Variants in GATA5 observed in about 807,000 individuals in gnomAD.
The protein encoded by GATA5 is transcription factor GATA-5.
GATA5 carries 27 observed loss-of-function variants against 35.0 expected under a neutral mutation model. That is an observed-to-expected ratio of 0.77 (90% CI 0.57 to 1.06). The LOEUF (loss-of-function observed/expected upper bound fraction) is 1.06. GATA5 is among the 50% of genes least tolerant of loss of function. GATA5 has a pLI of 0.00. For synonymous variants in GATA5, 306 were observed against 267.8 expected (o/e 1.14, Z -1.39); for missense variants, 612 against 580.0 (o/e 1.06, Z -0.57).
At position 62,466,496 on chromosome 20, in the gene GATA5, G is replaced by A. The variant is rs143901995; in HGVS notation, c.755C>T (p.Thr252Met). Residue 252 changes from threonine (T) to methionine (M), a missense_variant, in exon 4 of 7, where the codon ACG becomes ATG. Transcript: ENST00000252997. ...CCCCTCCGAGTTCCGCCGCCACAGC[G>A]TGGTGTTGGTCGTGTGGCAGTTGGT... ...CCTNCHTTNTTLWRRNSEGEP... is the reference protein window; with the variant it reads ...CCTNCHTTNTMLWRRNSEGEP... The A allele has an allele frequency of 1.1e-5, 18 of 1,570,246 alleles. No homozygotes were observed. The highest frequency in any genetic ancestry group is 4.1e-5 in the African/African-American group (3 of 73,946).
chr20:62,474,931 C>T, intron 2 of GATA5, 68 bp downstream of exon 2: 3 of 1,221,452 alleles, frequency 2.5e-6, no homozygotes, highest in Non-Finnish European at 3.1e-6. Flanking sequence ...GAGCGTTTCG[C>T]AGGGTGCGGG....
intron 3 of GATA5, among the ~76,000 whole-genome samples, chr20:62,468,094 G>C (rs1210916655): frequency 7.1e-6 from 1 of 141,372 alleles, no homozygotes; most frequent in African/African-American, 2.8e-5. Flanking sequence ...AGCCCGCCTC[G>C]GTTTCCCCAT....
intron 3 of GATA5, 69 bp from the exon 4 acceptor site, chr20:62,466,620 G>C: frequency 1.3e-6 from 2 of 1,509,428 alleles, no homozygotes; most frequent in Non-Finnish European, 1.8e-6. Context: ...GGACGGAAGC[G>C]AGACTCAGGT....
In GATA5 at chr20:62,466,430, T is replaced by A. The variant is rs1989590098; in HGVS notation, c.821A>T (p.His274Leu). The A allele has an allele frequency of 2.5e-6, 4 of 1,585,096 alleles. No homozygotes were observed. The highest frequency in any genetic ancestry group is 3.4e-6 in the Non-Finnish European group (4 of 1,166,264). ...CNACGLYMKLHGVPRPLAMKK... is the reference protein window; with the variant it reads ...CNACGLYMKLLGVPRPLAMKK... ...TGCCCCGGGGACCACACTCACCCCGTGCAGCTTCATGTAGAGGCCGCAGGC... is the reference window on the plus strand; with the variant it reads ...TGCCCCGGGGACCACACTCACCCCGAGCAGCTTCATGTAGAGGCCGCAGGC... Residue 274 changes from histidine (H) to leucine (L), a missense_variant, in exon 4 of 7, where the codon CAC (histidine) becomes CTC (leucine). His to Leu is a moderately conservative substitution (Grantham distance 99). Transcript: ENST00000252997.
rs1398410086 is a variant in GATA5, at chr20:62,473,555, G to A, written c.547C>T (p.Pro183Ser). Residue 183 changes from proline to serine, a missense_variant, in exon 3 of 7, where the codon CCG becomes TCG. Transcript: ENST00000252997. The part of the protein sequence containing the change: ...TFVSDFLEEF[P>S]GEGRECVNCG... ...TTGACACACTCACGACCCTCACCCG[G>A]GAACTCCTCCAAGAAGTCGGACACT... 1.9e-6 allele frequency: 3 copies of A among 1,601,070 alleles called. No homozygotes were observed. The highest frequency in any genetic ancestry group is 2.6e-6 in the Non-Finnish European group (3 of 1,174,524).
chr20:62,465,028 GCGT>G, intron 6 of GATA5, 37 bp from the exon 7 acceptor site: 1 of 1,204,276 alleles, frequency 8.3e-7, no homozygotes, highest in South Asian at 1.4e-5. Context: ...GTGGGGTGGG[GCGT>G]GGGGCGTGGG....
At position 62,466,428 on chromosome 20, in the gene GATA5, C is replaced by T. The variant is rs552849600; in HGVS notation, c.823G>A (p.Gly275Arg). ...CCTGCCCCGGGGACCACACTCACCC[C>T]GTGCAGCTTCATGTAGAGGCCGCAG... ...NACGLYMKLHGVPRPLAMKKE... is the reference protein window; with the variant it reads ...NACGLYMKLHRVPRPLAMKKE... Residue 275 changes from glycine (G) to arginine (R), a missense_variant and splice_region_variant, in exon 4 of 7, where the codon GGG (glycine) becomes AGG (arginine). By Grantham distance (125) the Gly-to-Arg change is moderately radical. Coordinates refer to ENST00000252997, the MANE Select transcript of GATA5 (RefSeq NM_080473.5). The T allele has an allele frequency of 2.0e-5, 31 of 1,584,312 alleles. No individual in the cohort carries two copies. Among genetic ancestry groups the T allele is most frequent in the Middle Eastern group, 3.4e-4 (2 of 5,908 alleles).
In GATA5 at chr20:62,465,374, G is replaced by C; in HGVS notation, c.1004C>G (p.Ser335Cys). ...ATSKAKPSLA[S>C]PVCPGPSMAP... The stretch of plus-strand genomic sequence containing the variant: ...CATGCTGGGCCCAGGGCACACTGGG[G>C]ACGCCAGGCTGGGCTTGGCTTTCGA... The change falls in exon 6 of 7, where the codon TCC becomes TGC. Residue 335 changes from serine to cysteine, a missense_variant. Coordinates refer to ENST00000252997, the MANE Select transcript of GATA5 (RefSeq NM_080473.5). 8.1e-6 allele frequency: 13 copies of C among 1,604,610 alleles called. No individual in the cohort carries two copies. The highest frequency in any genetic ancestry group is 1.1e-5 in the Non-Finnish European group (13 of 1,179,628).
intron 3 of GATA5, among the ~76,000 whole-genome samples, chr20:62,471,716 C>A (rs1012545685): frequency 6.7e-6 from 1 of 150,364 alleles, no homozygotes; most frequent in African/African-American, 2.4e-5. Context: ...CAGGCATGAG[C>A]CATTGCACAG....
At chr20:62,468,924 C>A (rs1989657715) in intron 3 of GATA5, among the ~76,000 whole-genome samples, 1 of 152,238 alleles carries the variant, frequency 6.6e-6, no homozygotes, top group Non-Finnish European at 1.5e-5. Flanking sequence ...TGGTGTCTCT[C>A]CCTGGGATGC....
At chr20:62,469,257 T>C (rs1208822322) in intron 3 of GATA5, among the ~76,000 whole-genome samples, 1 of 152,266 alleles carries the variant, frequency 6.6e-6, no homozygotes, top group East Asian at 1.9e-4. Context: ...TCTCCTGCAG[T>C]ATTTGGGACA....
chr20:62,472,960 C>A (rs1989757998), intron 3 of GATA5, among the ~76,000 whole-genome samples: 1 of 152,250 alleles, frequency 6.6e-6, no homozygotes, highest in Non-Finnish European at 1.5e-5. Context: ...AAGTATCCAG[C>A]AGCCACCTTC....
intron 2 of GATA5, among the ~76,000 whole-genome samples, chr20:62,473,848 A>G (rs755153419): frequency 6.6e-6 from 1 of 152,198 alleles, no homozygotes; most frequent in Non-Finnish European, 1.5e-5. Flanking sequence ...CTGAAGACAG[A>G]CACCTGGGAC....
Position 62,470,110 on chromosome 20 carries a change from C to T in GATA5, c.699+3293G>A, listed in dbSNP as rs533010557. ...AGTCAAACTTCAAAGCCTCCTTGCGCGCAGCAGAGCCGCTCTAAGCACCAG... is the reference window on the plus strand; with the variant it reads ...AGTCAAACTTCAAAGCCTCCTTGCGTGCAGCAGAGCCGCTCTAAGCACCAG... On this transcript the variant is annotated intron_variant, in intron 3 of 6. Coordinates refer to ENST00000252997, the MANE Select transcript of GATA5 (RefSeq NM_080473.5). This position sits in a 1 kb window ranked among gnomAD's most constrained non-coding sequence, Gnocchi z 4.6. Among the ~76,000 whole-genome samples the T allele has an allele frequency of 3.9e-5, 6 of 152,254 alleles. No individual in the cohort carries two copies. The highest frequency in any genetic ancestry group is 8.8e-5 in the Non-Finnish European group (6 of 68,052).
At chr20:62,472,401 G>A (rs572857614) in intron 3 of GATA5, among the ~76,000 whole-genome samples, 3 of 152,298 alleles carry the variant, frequency 2.0e-5, no homozygotes, top group Non-Finnish European at 4.4e-5. Context: ...GAGCTGCACC[G>A]GCATAGCACG....
At position 62,473,543 on chromosome 20, in the gene GATA5, G is replaced by T. The variant is rs1454480370; in HGVS notation, c.559C>A (p.Arg187Ser). The T allele has an allele frequency of 6.2e-6, 10 of 1,604,900 alleles. No homozygotes were observed. The highest frequency in any genetic ancestry group is 8.5e-6 in the Non-Finnish European group (10 of 1,176,442). The change falls in exon 3 of 7, where the codon CGT (arginine) becomes AGT (serine). Residue 187 changes from arginine (R) to serine (S), a missense_variant. Coordinates refer to ENST00000252997, the MANE Select transcript of GATA5 (RefSeq NM_080473.5). ...AGGGCCCCGCAGTTGACACACTCACGACCCTCACCCGGGAACTCCTCCAAG... is the reference window on the plus strand; with the variant it reads ...AGGGCCCCGCAGTTGACACACTCACTACCCTCACCCGGGAACTCCTCCAAG... ...DFLEEFPGEG[R>S]ECVNCGALST...
chr20:62,464,604 G>C lies in GATA5; in HGVS notation c.*232C>G, dbSNP rs565076349. The C allele has an allele frequency of 1.7e-4, 74 of 428,972 alleles. 3 individuals carry two copies. Among genetic ancestry groups the C allele is most frequent in the African/African-American group, 1.5e-3 (72 of 48,320 alleles). The allele number at this position is 428,972 out of a possible 1,614,324, so 26.6% of individuals were successfully genotyped here. ...TTGGGCCGCACCTGGGGAGTCCCTT[G>C]CTGTACGTGGGGTGGGAAGCTGAGC... is the stretch of plus-strand genomic sequence containing the variant. On this transcript the variant is annotated 3_prime_UTR_variant, in exon 7 of 7. Transcript: ENST00000252997.
Position 62,465,437 on chromosome 20 carries a change from G to T in GATA5, c.941C>A (p.Pro314Gln). 6.2e-7 allele frequency: 1 copy of T among 1,609,016 alleles called. No individual in the cohort carries two copies. ...GCTGTCAGTGCTGGCGACAGCAGAT[G>T]GGGAGGCCGAGGCATTCCTTGTGGA... ...SGSTRNASAS[P>Q]SAVASTDSSA... Residue 314 changes from proline to glutamine, a missense_variant, in exon 6 of 7, where the codon CCA becomes CAA. Coordinates refer to ENST00000252997, the MANE Select transcript of GATA5 (RefSeq NM_080473.5).
chr20:62,465,191 GA>G, intron 6 of GATA5, 148 bp downstream of exon 6: 1 of 977,956 alleles, frequency 1.0e-6, no homozygotes, highest in South Asian at 1.7e-5. Flanking sequence ...AGCTCTAGGG[GA>G]AGGGCCACCA....
Sources: gnomAD v4.1 joint callset for allele counts (sites outside exome capture counted in the v4.1 genomes callset) on GRCh38, gnomAD v4.1.1 for gene constraint, Gnocchi (gnomAD v3.1) non-coding constraint, MANE v1.5 for transcripts, NCBI Gene and HGNC (gene_info 2026-07-23, HGNC 2026-07-21) for gene names.